The following FARP1 variants were observed in gnomAD, a reference collection of about 807,000 sequenced individuals.
The protein encoded by FARP1 is FERM, ARHGEF and pleckstrin domain-containing protein 1.
A neutral mutation model predicts 128.8 loss-of-function variants in FARP1; 52 were observed. The observed-to-expected ratio is 0.40, with a 90% confidence interval of 0.32 to 0.51. The LOEUF (loss-of-function observed/expected upper bound fraction) is 0.51. Among genes scored for constraint, FARP1 ranks in the 20% least tolerant of loss-of-function variants. The pLI, the probability that FARP1 is intolerant of heterozygous loss-of-function variation, is 0.45. For synonymous variants in FARP1, 580 were observed against 551.8 expected, an observed-to-expected ratio of 1.05 and a Z score of -0.72; for missense variants, 1,333 against 1,367.9, an observed-to-expected ratio of 0.97 and a Z score of 0.40.
At chr13:98,356,928 C>T (rs1308927459) in intron 3 of FARP1, among the ~76,000 whole-genome samples, 3 of 152,096 alleles carry the variant, frequency 2.0e-5, no homozygotes, top group African/African-American at 7.2e-5. Flanking sequence ...CCACTGAGCC[C>T]GGCCAAGAAA....
At chr13:98,446,234 C>T in intron 25 of FARP1, 29 bp downstream of exon 25, 2 of 1,506,772 alleles carry the variant, frequency 1.3e-6, no homozygotes, top group African/African-American at 1.4e-5. Flanking sequence ...GCAGGTGGCC[C>T]TGGGACCTTG....
chr13:98,283,381 T>C (rs1490915807), intron 2 of FARP1, among the ~76,000 whole-genome samples: 1 of 152,196 alleles, frequency 6.6e-6, no homozygotes, highest in Non-Finnish European at 1.5e-5. Context: ...GAGGCTATCC[T>C]GGAAAATGCC....
chr13:98,289,713 T>C (rs1289378156), intron 2 of FARP1, among the ~76,000 whole-genome samples: 2 of 152,230 alleles, frequency 1.3e-5, no homozygotes, highest in East Asian at 3.9e-4. Context: ...GCTATTTCTC[T>C]TGAAAACTCT....
chr13:98,187,106 C>T (rs536685577), intron 1 of FARP1, among the ~76,000 whole-genome samples: 4 of 150,272 alleles, frequency 2.7e-5, no homozygotes, highest in African/African-American at 9.8e-5. Flanking sequence ...ATCACTGTAT[C>T]GTATGGCAAT....
At chr13:98,447,953 C>A (rs1431525234) in intron 26 of FARP1, 2 of 477,108 alleles carry the variant, frequency 4.2e-6, no homozygotes, top group East Asian at 3.8e-5. Context: ...GCGTTCTCCC[C>A]AGCAACCAGA....
intron 2 of FARP1, among the ~76,000 whole-genome samples, chr13:98,312,647 G>A (rs1302420114): frequency 6.6e-6 from 1 of 152,148 alleles, no homozygotes; most frequent in Non-Finnish European, 1.5e-5. Context: ...CCCAGCTGGG[G>A]CAGAGCTGTT....
chr13:98,430,710 A>G (rs1379247788), intron 17 of FARP1, among the ~76,000 whole-genome samples: 1 of 152,192 alleles, frequency 6.6e-6, no homozygotes, highest in Non-Finnish European at 1.5e-5. Context: ...GCCCTCCTTA[A>G]GGAGCTCCTG....
intron 1 of FARP1, among the ~76,000 whole-genome samples, chr13:98,189,545 T>A (rs1422661643): frequency 1.3e-5 from 2 of 152,168 alleles, no homozygotes; most frequent in Non-Finnish European, 2.9e-5. Context: ...GGAACTTGAG[T>A]ATATGATAAA....
In FARP1 at chr13:98,306,073, A is replaced by G. The variant is rs1485385785; in HGVS notation, c.172-37689A>G. ...TGATGGGGTTGGTCACTGATCATGC[A>G]TAACGTGCATCTGTATTTCATGGAG... On this transcript the variant is annotated intron_variant, in intron 2 of 26. Transcript: ENST00000319562. 5.3e-5 allele frequency among the ~76,000 whole-genome samples: 8 copies of G among 152,354 alleles called. 1 individual carries two copies. The highest frequency in any genetic ancestry group is 4.1e-4 in the South Asian group (2 of 4,832).
intron 1 of FARP1, among the ~76,000 whole-genome samples, chr13:98,207,597 G>A (rs1880346382): frequency 6.6e-6 from 1 of 151,312 alleles, no homozygotes; most frequent in Non-Finnish European, 1.5e-5. Context: ...TTGACTCAGA[G>A]TGACAAGCCC....
At chr13:98,410,658 C>A in intron 14 of FARP1, 76 bp from the exon 15 acceptor site, 1 of 700,908 alleles carries the variant, frequency 1.4e-6, no homozygotes, top group Non-Finnish European at 2.6e-6. Context: ...TAACATATCA[C>A]TTTAATGAGG....
At chr13:98,437,786 T>C in intron 19 of FARP1, 1 of 1,580,522 alleles carries the variant, frequency 6.3e-7, no homozygotes, top group South Asian at 1.1e-5. Context: ...TTTCCCTTAT[T>C]AGGACTCCAC....
In FARP1 at chr13:98,265,521, G is replaced by A. The variant is rs376844959; in HGVS notation, c.171+52108G>A. Among the ~76,000 whole-genome samples the A allele has an allele frequency of 4.4e-4, 66 of 150,760 alleles. 1 individual carries two copies. Among genetic ancestry groups the A allele is most frequent in the African/African-American group, 1.4e-3 (58 of 40,862 alleles). On this transcript the variant is annotated intron_variant, in intron 2 of 26. Coordinates refer to ENST00000319562, the MANE Select transcript of FARP1 (RefSeq NM_005766.4). ...TTTTTAGTAGAGACGGGGTTTCACC[G>A]TTTTAGCCGGGATGGTCTCGATCTC...
At position 98,393,730 on chromosome 13, in the gene FARP1, C is replaced by A. The variant is rs749895206; in HGVS notation, c.1164+12C>A. On this transcript the variant is annotated intron_variant, in intron 12 of 26. Coordinates refer to ENST00000319562, the MANE Select transcript of FARP1 (RefSeq NM_005766.4). ...AAGTGCTGGAGCAGGTCAGTGATGG[C>A]GCTGTCCTATGATAACTCTGCTTTT... The A allele has an allele frequency of 6.2e-7, 1 of 1,604,360 alleles. No homozygotes were observed. Among genetic ancestry groups the A allele is most frequent in the Admixed American group, 1.7e-5 (1 of 59,966 alleles).
intron 5 of FARP1, among the ~76,000 whole-genome samples, chr13:98,376,906 T>G (rs575514308): frequency 7.2e-5 from 11 of 152,302 alleles, no homozygotes; most frequent in Middle Eastern, 3.4e-3. Flanking sequence ...CATCTTTTCA[T>G]AAGCCTGTTT....
intron 2 of FARP1, among the ~76,000 whole-genome samples, chr13:98,267,175 T>C (rs1019515232): frequency 1.3e-5 from 2 of 152,216 alleles, no homozygotes; most frequent in African/African-American, 4.8e-5. Context: ...ATGTTTTTCT[T>C]AAAGATACAC....
intron 2 of FARP1, among the ~76,000 whole-genome samples, chr13:98,250,931 C>G (rs1488937896): frequency 2.0e-5 from 3 of 152,198 alleles, no homozygotes; most frequent in Non-Finnish European, 4.4e-5. Context: ...CAGTGCCTGT[C>G]TTCCCCACTT....
chr13:98,322,870 A>G (rs1887062088), intron 2 of FARP1, among the ~76,000 whole-genome samples: 1 of 152,228 alleles, frequency 6.6e-6, no homozygotes, highest in Admixed American at 6.5e-5. Context: ...CCACACACAG[A>G]TGATTTGCCT....
chr13:98,157,337 G>T (rs953141254), intron 1 of FARP1, among the ~76,000 whole-genome samples: 1 of 148,504 alleles, frequency 6.7e-6, no homozygotes, highest in Non-Finnish European at 1.5e-5. Context: ...CCTCCCCCAT[G>T]CTAGTCTAGG....
Sources: allele counts gnomAD v4.1 joint callset (sites outside exome capture counted in the v4.1 genomes callset), GRCh38; gene constraint gnomAD v4.1.1; transcripts MANE v1.5; gene names NCBI Gene and HGNC (gene_info 2026-07-23, HGNC 2026-07-21).